The following WWP1 variants were observed in gnomAD, a reference collection of about 807,000 sequenced individuals.
WWP1 encodes the protein NEDD4-like E3 ubiquitin-protein ligase WWP1.
In WWP1, 49 loss-of-function variants were observed where a neutral mutation model predicts 130.6. The observed-to-expected ratio is 0.38, with a 90% CI of 0.30 to 0.48. WWP1 has a LOEUF of 0.48. Among genes scored for constraint, WWP1 ranks in the 20% least tolerant of loss-of-function variants. The pLI, the probability that WWP1 is intolerant of heterozygous loss-of-function variation, is 0.99. For synonymous variants in WWP1, 332 were observed against 367.8 expected, an observed-to-expected ratio of 0.90 and a Z score of 1.11; for missense variants, 809 against 1,100.6, an observed-to-expected ratio of 0.74 and a Z score of 3.75.
rs377745744 is a variant in WWP1 at position 86,381,701 on chromosome 8, A to G, written c.334+72A>G. 28 of 1,376,688 alleles carry G rather than the reference A, an allele frequency of 2.0e-5. 1 individual carries two copies. Among genetic ancestry groups the G allele is most frequent in the East Asian group, 1.4e-4 (5 of 36,964 alleles). 85.3% of individuals were successfully genotyped at this position (1,376,688 alleles called of 1,614,324 possible). A position where few individuals can be genotyped will look rare whatever the true frequency, so the allele number is the denominator to read the frequency against. ...ACACTTTGAACATATCCTGAATCCT[A>G]AAAGCAAAAACATAGTTTTGTATCC... On this transcript the variant is annotated intron_variant, in intron 5 of 24. Transcript: ENST00000517970.
Position 86,467,615 on chromosome 8 carries a change from T to C in WWP1, c.*722T>C, listed in dbSNP as rs970869304. On this transcript the variant is annotated 3_prime_UTR_variant, in exon 25 of 25. Transcript: ENST00000517970. ...AAGGATTCATTGAGCAGCATAGAAGTTTGTTTACATGTTACTTTGAGATGC... is the reference window on the plus strand; with the variant it reads ...AAGGATTCATTGAGCAGCATAGAAGCTTGTTTACATGTTACTTTGAGATGC... 1 of 152,268 alleles carries C rather than the reference T, an allele frequency of 6.6e-6. No individual in the cohort carries two copies. Among genetic ancestry groups the C allele is most frequent in the African/African-American group, 2.4e-5 (1 of 41,412 alleles). The allele number at this position is 152,268 out of a possible 1,614,324, so 9.4% of individuals were successfully genotyped here.
chr8:86,372,168 C>T lies in WWP1; in HGVS notation c.-21-1862C>T, dbSNP rs537280676. 1.3e-3 allele frequency among the ~76,000 whole-genome samples: 198 copies of T among 151,420 alleles called. 2 individuals carry two copies. Among genetic ancestry groups the T allele is most frequent in the African/African-American group, 4.5e-3 (184 of 41,262 alleles). The stretch of plus-strand genomic sequence containing the variant: ...CCTCCCGTGTAGCTGGGACTACAGG[C>T]GCGCGCCACCATGCCCGGCTAATTT... On this transcript the variant is annotated intron_variant, in intron 2 of 24. Coordinates refer to ENST00000517970, the MANE Select transcript of WWP1 (RefSeq NM_007013.4).
intron 21 of WWP1, among the ~76,000 whole-genome samples, chr8:86,454,725 G>C (rs1811349191): frequency 6.6e-6 from 1 of 152,020 alleles, no homozygotes; most frequent in South Asian, 2.1e-4. Context: ...GGGAGATCAA[G>C]AAGCATAAGA....
intron 5 of WWP1, among the ~76,000 whole-genome samples, chr8:86,386,190 T>G (rs1480183786): frequency 2.0e-5 from 3 of 152,228 alleles, no homozygotes; most frequent in Non-Finnish European, 4.4e-5. Flanking sequence ...AATCATGTCC[T>G]TGGTATTTTC....
At chr8:86,392,828 A>G (rs1231172702) in intron 5 of WWP1, among the ~76,000 whole-genome samples, 1 of 152,232 alleles carries the variant, frequency 6.6e-6, no homozygotes, top group East Asian at 1.9e-4. Flanking sequence ...TCAATGATGT[A>G]AGTGCCTCTT....
intron 8 of WWP1, among the ~76,000 whole-genome samples, chr8:86,407,193 C>T (rs1449697331): frequency 6.6e-6 from 1 of 152,232 alleles, no homozygotes; most frequent in East Asian, 1.9e-4. Flanking sequence ...TTTTTTGCCC[C>T]GTGTTTCTGC....
intron 24 of WWP1, 56 bp from the exon 25 acceptor site, chr8:86,466,738 A>T: frequency 8.4e-7 from 1 of 1,194,548 alleles, no homozygotes; most frequent in South Asian, 1.4e-5. Flanking sequence ...AAAGTATTCT[A>T]TTAGATTTTT....
intron 22 of WWP1, among the ~76,000 whole-genome samples, chr8:86,458,673 C>T (rs558732605): frequency 1.3e-5 from 2 of 152,246 alleles, no homozygotes; most frequent in South Asian, 4.1e-4. Flanking sequence ...AGTGACTGGA[C>T]TTCTGGCTTA....
At chr8:86,438,528 G>A in intron 16 of WWP1, 57 bp from the exon 17 acceptor site, 1 of 1,300,378 alleles carries the variant, frequency 7.7e-7, no homozygotes, top group Non-Finnish European at 1.1e-6. Context: ...AAATTGTTTT[G>A]AAAGGAACTT....
chr8:86,345,029 G>A (rs977962418), intron 1 of WWP1, among the ~76,000 whole-genome samples: 5 of 152,198 alleles, frequency 3.3e-5, no homozygotes, highest in Non-Finnish European at 4.4e-5. Flanking sequence ...GTGAACTGAG[G>A]TAGGGAGACC....
At chr8:86,379,443 GGTT>G (rs1824860102) in intron 3 of WWP1, among the ~76,000 whole-genome samples, 1 of 152,048 alleles carries the variant, frequency 6.6e-6, no homozygotes, top group African/African-American at 2.4e-5. Context: ...ACATAGCTTT[GGTT>G]GTTTTTATAT....
intron 7 of WWP1, among the ~76,000 whole-genome samples, chr8:86,399,291 T>C (rs1432496847): frequency 1.3e-5 from 2 of 152,188 alleles, no homozygotes; most frequent in East Asian, 1.9e-4. Context: ...GTGGCCTTCC[T>C]TCAGACATCA....
At chr8:86,360,830 G>T (rs1823551845) in intron 1 of WWP1, among the ~76,000 whole-genome samples, 1 of 152,210 alleles carries the variant, frequency 6.6e-6, no homozygotes, top group African/African-American at 2.4e-5. Flanking sequence ...AGGGCAAGGT[G>T]CTAGAGTTGG....
At chr8:86,368,801 G>A (rs1033638621) in intron 1 of WWP1, 138 bp from the exon 2 acceptor site, 3 of 152,138 alleles carry the variant, frequency 2.0e-5, no homozygotes, top group Non-Finnish European at 4.4e-5. Flanking sequence ...TCTCTCAGAG[G>A]TTATCTTCTC....
intron 10 of WWP1, among the ~76,000 whole-genome samples, chr8:86,426,702 G>A (rs1809643518): frequency 6.6e-6 from 1 of 152,162 alleles, no homozygotes; most frequent in South Asian, 2.1e-4. Flanking sequence ...ATGACATGGA[G>A]TCCACCTGTG....
chr8:86,357,615 T>A (rs945604406), intron 1 of WWP1, among the ~76,000 whole-genome samples: 1 of 152,220 alleles, frequency 6.6e-6, no homozygotes, highest in African/African-American at 2.4e-5. Flanking sequence ...TGCCCTGGCA[T>A]TCTTGGAATT....
chr8:86,388,528 C>T (rs1328849711), intron 5 of WWP1, among the ~76,000 whole-genome samples: 1 of 152,168 alleles, frequency 6.6e-6, no homozygotes, highest in African/African-American at 2.4e-5. Flanking sequence ...TTTCCCCTGG[C>T]ACACTTTTTG....
At chr8:86,429,521 A>G (rs1345219201) in intron 11 of WWP1, among the ~76,000 whole-genome samples, 1 of 152,220 alleles carries the variant, frequency 6.6e-6, no homozygotes, top group Non-Finnish European at 1.5e-5. Context: ...TAGAATACTT[A>G]TATTTTCTTC....
chr8:86,364,649 C>G (rs1489004429), intron 1 of WWP1, among the ~76,000 whole-genome samples: 1 of 151,908 alleles, frequency 6.6e-6, no homozygotes, highest in African/African-American at 2.4e-5. Context: ...AAAAAACAAA[C>G]AAAGAAATTA....
Sources: allele counts gnomAD v4.1 joint callset (sites outside exome capture counted in the v4.1 genomes callset), GRCh38; gene constraint gnomAD v4.1.1; transcripts MANE v1.5; gene names NCBI Gene and HGNC (gene_info 2026-07-23, HGNC 2026-07-21).